IL1RAPL1: variants seen among roughly 807,000 people sequenced by gnomAD.
IL1RAPL1 encodes interleukin 1 receptor accessory protein like 1, also known as interleukin-1 receptor accessory protein-like 1.
A neutral mutation model predicts 48.4 loss-of-function variants in IL1RAPL1; 3 were observed. The observed-to-expected ratio is 0.06, with a 90% CI of 0.03 to 0.16. The LOEUF (loss-of-function observed/expected upper bound fraction) is 0.16, where lower values mean the gene tolerates loss of function less well. IL1RAPL1 is among the 10% of genes least tolerant of loss of function. The pLI is 1.00. For synonymous variants in IL1RAPL1, 185 were observed against 187.7 expected (o/e 0.99, Z 0.12); for missense variants, 349 against 530.6 (o/e 0.66, Z 3.36).
At chrX:29,205,514 A>G (rs2147537333) in intron 2 of IL1RAPL1, among the ~76,000 whole-genome samples, 1 of 110,417 alleles carries the variant, frequency 9.1e-6, no homozygotes, top group Non-Finnish European at 1.9e-5. Flanking sequence ...AGAGTTCATG[A>G]CCTCAAAAAT....
intron 2 of IL1RAPL1, among the ~76,000 whole-genome samples, chrX:29,242,804 A>G (rs1931445203): frequency 8.9e-6 from 1 of 112,168 alleles, no homozygotes; most frequent in South Asian, 3.7e-4. Flanking sequence ...ATATTTTTCC[A>G]TTTTAGAAAT....
intron 6 of IL1RAPL1, among the ~76,000 whole-genome samples, chrX:29,688,754 C>CTCTCTCTCTCTG (rs58405949): frequency 3.4e-4 from 35 of 103,897 alleles, no homozygotes; most frequent in African/African-American, 1.3e-3. Flanking sequence ...CTCTCTCTCT[C>CTCTCTCTCTCTG]TGTGTGTGTC....
At chrX:29,769,610 ATTTTTTTTTTT>A (rs146650137) in intron 6 of IL1RAPL1, among the ~76,000 whole-genome samples, 1 of 43,056 alleles carries the variant, frequency 2.3e-5, no homozygotes, top group Non-Finnish European at 3.8e-5. Flanking sequence ...TGCCTGGCTA[ATTTTTTTTTTT>A]TTTTTTTTTT....
chrX:29,325,481 CTATT>C (rs1932836943), intron 3 of IL1RAPL1, among the ~76,000 whole-genome samples: 1 of 112,209 alleles, frequency 8.9e-6, no homozygotes, highest in South Asian at 3.7e-4. Flanking sequence ...TTTGCCATCT[CTATT>C]CTTTCTACTT....
rs1284790091 is a variant in IL1RAPL1 at position 28,692,513 on chromosome X, T to C, written c.-24-96807T>C. Among the ~76,000 whole-genome samples, 4 of 111,717 alleles carry C rather than the reference T, an allele frequency of 3.6e-5. No homozygotes were observed. The East Asian group carries it at 1.1e-3, about 31-fold the overall frequency. Reference sequence around the variant, plus strand: ...GATAATCAGTGCCAGCTTGTGGGCATTACATTGTAGTAATTATATATCTAA... The same window carrying C: ...GATAATCAGTGCCAGCTTGTGGGCACTACATTGTAGTAATTATATATCTAA... On this transcript the variant is annotated intron_variant, in intron 1 of 10. Transcript: ENST00000378993.
chrX:28,631,142 T>C (rs1934395852), intron 1 of IL1RAPL1, among the ~76,000 whole-genome samples: 2 of 111,699 alleles, frequency 1.8e-5, no homozygotes, highest in Non-Finnish European at 1.9e-5. Flanking sequence ...ATACAGAGTG[T>C]ACAGTGGGCT....
intron 5 of IL1RAPL1, among the ~76,000 whole-genome samples, chrX:29,584,090 A>G (rs1923074019): frequency 1.8e-5 from 2 of 111,315 alleles, no homozygotes; most frequent in South Asian, 7.6e-4. Flanking sequence ...ACTTCAGCCT[A>G]CAGCCCTGAT....
At chrX:28,907,605 C>T (rs1227485848) in intron 2 of IL1RAPL1, among the ~76,000 whole-genome samples, 2 of 112,524 alleles carry the variant, frequency 1.8e-5, no homozygotes, top group African/African-American at 3.2e-5. Context: ...GTATAAATCC[C>T]ACTTGTTCAT....
intron 5 of IL1RAPL1, among the ~76,000 whole-genome samples, chrX:29,414,748 C>T (rs1934193290): frequency 9.0e-6 from 1 of 111,489 alleles, no homozygotes; most frequent in African/African-American, 3.3e-5. Context: ...CATGTTGGCT[C>T]TCTACTTTGA....
intron 5 of IL1RAPL1, among the ~76,000 whole-genome samples, chrX:29,632,818 G>T (rs567005912): frequency 1.8e-5 from 2 of 111,462 alleles, no homozygotes; most frequent in South Asian, 3.8e-4. Context: ...AGACACTAAT[G>T]ATTTTATGTC....
intron 5 of IL1RAPL1, among the ~76,000 whole-genome samples, chrX:29,624,624 A>G (rs1242107956): frequency 9.1e-6 from 1 of 110,051 alleles, no homozygotes; most frequent in Non-Finnish European, 1.9e-5. Flanking sequence ...ACCTGAGCCC[A>G]GGAGTTCGAG....
chrX:28,904,560 T>G (rs755712468), intron 2 of IL1RAPL1, among the ~76,000 whole-genome samples: 11 of 112,117 alleles, frequency 9.8e-5, no homozygotes, highest in Admixed American at 1.9e-4. Context: ...AGAAGTCACG[T>G]TTTAAATTTC....
At chrX:29,096,682 CATGTAAGA>C (rs1386105312) in intron 2 of IL1RAPL1, among the ~76,000 whole-genome samples, 1 of 110,429 alleles carries the variant, frequency 9.1e-6, no homozygotes, top group South Asian at 3.8e-4. Context: ...ACTGGAAAAA[CATGTAAGA>C]AATTTAAAAA....
At chrX:29,509,499 T>G in intron 5 of IL1RAPL1, among the ~76,000 whole-genome samples, 1 of 112,645 alleles carries the variant, frequency 8.9e-6, no homozygotes, top group Middle Eastern at 4.6e-3. Flanking sequence ...GAAACTGACT[T>G]TGAAAAAGTT....
chrX:29,578,317 A>C (rs1922843437), intron 5 of IL1RAPL1, among the ~76,000 whole-genome samples: 2 of 111,823 alleles, frequency 1.8e-5, no homozygotes, highest in Admixed American at 9.5e-5. Context: ...AGTTTGAATG[A>C]GTGTCTTCTT....
At chrX:29,212,150 G>T (rs1047297418) in intron 2 of IL1RAPL1, among the ~76,000 whole-genome samples, 19 of 111,207 alleles carry the variant, frequency 1.7e-4, no homozygotes, top group African/African-American at 6.2e-4. Context: ...AGGCTAAATG[G>T]TTTGGTGTTG....
chrX:29,585,805 T>C (rs1467766021), intron 5 of IL1RAPL1, among the ~76,000 whole-genome samples: 1 of 112,386 alleles, frequency 8.9e-6, no homozygotes, highest in Non-Finnish European at 1.9e-5. Context: ...TGTTGGCCAT[T>C]TGTATGTCTT....
Position 29,721,465 on chromosome X carries a change from G to A in IL1RAPL1, c.778+52961G>A, listed in dbSNP as rs552083184. Among the ~76,000 whole-genome samples, 3 of 110,972 alleles carry A rather than the reference G, an allele frequency of 2.7e-5. No individual in the cohort carries two copies. In the South Asian group the frequency reaches 1.1e-3, roughly 42 times the overall value. Reference sequence around the variant, plus strand: ...CCTCTTTCCTTTAAATCATTGTTGAGTATTTTCTGGGTCAACTCACAATAT... The same window carrying A: ...CCTCTTTCCTTTAAATCATTGTTGAATATTTTCTGGGTCAACTCACAATAT... On this transcript the variant is annotated intron_variant, in intron 6 of 10. Coordinates refer to ENST00000378993, the MANE Select transcript of IL1RAPL1 (RefSeq NM_014271.4).
At chrX:29,296,441 A>G (rs996199793) in intron 3 of IL1RAPL1, among the ~76,000 whole-genome samples, 5 of 111,618 alleles carry the variant, frequency 4.5e-5, no homozygotes, top group Non-Finnish European at 9.4e-5. Flanking sequence ...AGATGACTCA[A>G]TATCCTATTT....
Sources: allele counts gnomAD v4.1 joint callset (sites outside exome capture counted in the v4.1 genomes callset), GRCh38; gene constraint gnomAD v4.1.1; transcripts MANE v1.5; gene names NCBI Gene and HGNC (gene_info 2026-07-23, HGNC 2026-07-21).